SPIDR: variants seen among roughly 807,000 people sequenced by gnomAD.
The protein encoded by SPIDR is scaffold protein involved in DNA repair, also known as DNA repair-scaffolding protein.
In SPIDR, 93 loss-of-function variants were observed where a neutral mutation model predicts 104.6. The observed-to-expected ratio is 0.89, with a 90% CI of 0.75 to 1.06. The LOEUF is 1.06. Among genes scored for constraint, SPIDR ranks in the 50% least tolerant of loss-of-function variants. The probability of loss-of-function intolerance (pLI) is 0.00; values close to 1 mark genes in which losing one functional copy is unlikely to be tolerated. For synonymous variants in SPIDR, 431 were observed against 416.9 expected, an observed-to-expected ratio of 1.03 and a Z score of -0.41; for missense variants, 1,154 against 1,111.2, an observed-to-expected ratio of 1.04 and a Z score of -0.55.
rs144548419 is a variant in SPIDR, at chr8:47,409,673, A to G, written c.877+1712A>G. ...AGATCACTCAACTGTTATGTTCTCA[A>G]CTATTATATTACACATTTCTTTAGA... is the stretch of plus-strand genomic sequence containing the variant. On this transcript the variant is annotated intron_variant, in intron 7 of 19. Coordinates refer to ENST00000297423, the MANE Select transcript of SPIDR (RefSeq NM_001080394.4). Among the ~76,000 whole-genome samples, 1,214 of 152,352 alleles carry G rather than the reference A, an allele frequency of 8.0e-3. 15 individuals carry two copies. Among genetic ancestry groups the G allele is most frequent in the African/African-American group, 0.027 (1,126 of 41,582 alleles).
intron 11 of SPIDR, among the ~76,000 whole-genome samples, chr8:47,677,987 T>G (rs2076646894): frequency 6.6e-6 from 1 of 151,346 alleles, no homozygotes; most frequent in Non-Finnish European, 1.5e-5. Context: ...GCAGATCGCT[T>G]GAGCTCAGGA....
chr8:47,317,871 C>A (rs2045716545), intron 5 of SPIDR, among the ~76,000 whole-genome samples: 1 of 152,172 alleles, frequency 6.6e-6, no homozygotes, highest in Non-Finnish European at 1.5e-5. Flanking sequence ...CTCCAGCAGA[C>A]CTGCAACTGA....
chr8:47,358,142 G>C (rs555802389), intron 5 of SPIDR, among the ~76,000 whole-genome samples: 1 of 152,298 alleles, frequency 6.6e-6, no homozygotes, highest in Admixed American at 6.5e-5. Flanking sequence ...CTGTTCACAG[G>C]TGTGATCATG....
At chr8:47,483,481 G>T (rs1490209087) in intron 8 of SPIDR, among the ~76,000 whole-genome samples, 2 of 152,142 alleles carry the variant, frequency 1.3e-5, no homozygotes, top group Non-Finnish European at 2.9e-5. Context: ...TCCCTCTGCT[G>T]CCCCTTTGAG....
intron 10 of SPIDR, among the ~76,000 whole-genome samples, chr8:47,652,498 T>A (rs2071848303): frequency 6.6e-6 from 1 of 152,226 alleles, no homozygotes. Context: ...CCTGGGAACC[T>A]TCCTTCTCTC....
At chr8:47,451,611 A>ACACAC (rs1564008313) in intron 8 of SPIDR, among the ~76,000 whole-genome samples, 1 of 149,058 alleles carries the variant, frequency 6.7e-6, no homozygotes, top group African/African-American at 2.5e-5. Flanking sequence ...CACACACACT[A>ACACAC]GAAAGATTCC....
chr8:47,408,893 G>A (rs1043062819), intron 7 of SPIDR, among the ~76,000 whole-genome samples: 4 of 152,110 alleles, frequency 2.6e-5, no homozygotes, highest in African/African-American at 7.2e-5. Flanking sequence ...ACATCAAAAA[G>A]AATGAAATTC....
intron 5 of SPIDR, among the ~76,000 whole-genome samples, chr8:47,371,993 T>G (rs549770587): frequency 6.6e-6 from 1 of 152,326 alleles, no homozygotes; most frequent in Admixed American, 6.5e-5. Flanking sequence ...TGCTATTGCT[T>G]TGCAGGAGCA....
chr8:47,460,896 G>GA (rs1554713068), intron 8 of SPIDR, among the ~76,000 whole-genome samples: 2 of 152,144 alleles, frequency 1.3e-5, no homozygotes, highest in Non-Finnish European at 2.9e-5. Flanking sequence ...GATAAAGACT[G>GA]TATCTTTCCT....
intron 10 of SPIDR, among the ~76,000 whole-genome samples, chr8:47,642,176 C>T (rs549419598): frequency 3.3e-5 from 5 of 152,146 alleles, no homozygotes; most frequent in Non-Finnish European, 5.9e-5. Flanking sequence ...GTAATCCCAG[C>T]ACTTTGGGAG....
intron 5 of SPIDR, among the ~76,000 whole-genome samples, chr8:47,318,068 C>G (rs959995287): frequency 6.6e-6 from 1 of 152,156 alleles, no homozygotes; most frequent in Non-Finnish European, 1.5e-5. Flanking sequence ...CAGCTCCTCA[C>G]CAGCAACGGA....
chr8:47,419,619 T>G (rs1308372265), intron 7 of SPIDR, among the ~76,000 whole-genome samples: 1 of 152,210 alleles, frequency 6.6e-6, no homozygotes, highest in African/African-American at 2.4e-5. Context: ...TCTATTTCCT[T>G]CAGTTCTGCT....
At chr8:47,317,597 G>C (rs2045626541) in intron 5 of SPIDR, among the ~76,000 whole-genome samples, 1 of 152,176 alleles carries the variant, frequency 6.6e-6, no homozygotes, top group African/African-American at 2.4e-5. Context: ...GAAGAGAGTA[G>C]TGGTTCTCCC....
chr8:47,349,457 C>G (rs1053133062), intron 5 of SPIDR, among the ~76,000 whole-genome samples: 11 of 152,310 alleles, frequency 7.2e-5, no homozygotes, highest in African/African-American at 2.6e-4. Flanking sequence ...TGTGTCTGTT[C>G]TCAGATCTCA....
intron 7 of SPIDR, among the ~76,000 whole-genome samples, chr8:47,418,117 GT>G (rs1242366234): frequency 1.3e-5 from 2 of 152,080 alleles, no homozygotes; most frequent in African/African-American, 4.8e-5. Flanking sequence ...GCTCTTTTTG[GT>G]TCCATATGAA....
At chr8:47,700,561 C>A in intron 12 of SPIDR, 71 bp downstream of exon 12, 1 of 1,439,726 alleles carries the variant, frequency 6.9e-7, no homozygotes, top group South Asian at 1.1e-5. Flanking sequence ...CAGGCGTCAT[C>A]ACTGTCACTC....
At chr8:47,308,367 G>GTTT (rs797034732) in intron 5 of SPIDR, among the ~76,000 whole-genome samples, 2 of 132,594 alleles carry the variant, frequency 1.5e-5, no homozygotes. Flanking sequence ...CCGGCCTGCT[G>GTTT]TTTTTTTTTT....
chr8:47,293,808 A>C, intron 4 of SPIDR, 59 bp from the exon 5 acceptor site: 1 of 1,492,674 alleles, frequency 6.7e-7, no homozygotes, highest in Admixed American at 2.0e-5. Context: ...AGAATAAAAG[A>C]GATATAAAAG....
chr8:47,362,933 G>C (rs191502227), intron 5 of SPIDR, among the ~76,000 whole-genome samples: 1 of 152,172 alleles, frequency 6.6e-6, no homozygotes, highest in Non-Finnish European at 1.5e-5. Context: ...GATTACAGGC[G>C]TGAGCTACCA....
Sources: allele counts gnomAD v4.1 joint callset (sites outside exome capture counted in the v4.1 genomes callset), GRCh38; gene constraint gnomAD v4.1.1; transcripts MANE v1.5; gene names NCBI Gene and HGNC (gene_info 2026-07-23, HGNC 2026-07-21).